Variants in RAPGEF2 observed in about 807,000 individuals in gnomAD.
The protein encoded by RAPGEF2 is Rap guanine nucleotide exchange factor 2.
RAPGEF2 carries 54 observed loss-of-function variants against 186.7 expected under a neutral mutation model. That is an observed-to-expected ratio of 0.29 (90% CI 0.23 to 0.36). RAPGEF2 has a LOEUF of 0.36. RAPGEF2 is among the 10% of genes least tolerant of loss of function. RAPGEF2 has a pLI of 1.00. For synonymous variants in RAPGEF2, 712 were observed against 705.9 expected, an observed-to-expected ratio of 1.01 and a Z score of -0.14; for missense variants, 1,532 against 2,045.0, an observed-to-expected ratio of 0.75 and a Z score of 4.84.
intron 20 of RAPGEF2, 44 bp from the exon 21 acceptor site, chr4:159,342,935 A>G (rs746266996): frequency 2.0e-6 from 3 of 1,522,248 alleles, no homozygotes; most frequent in East Asian, 4.5e-5. Flanking sequence ...TCTGTACACT[A>G]TTTTACTTTA....
intron 26 of RAPGEF2, among the ~76,000 whole-genome samples, chr4:159,350,512 TAAG>T (rs1277546666): frequency 6.6e-6 from 1 of 152,164 alleles, no homozygotes; most frequent in Non-Finnish European, 1.5e-5. Flanking sequence ...TTTATAACTA[TAAG>T]AAGCCTTTTA....
chr4:159,262,577 C>G (rs1376786116), intron 7 of RAPGEF2, among the ~76,000 whole-genome samples: 1 of 152,188 alleles, frequency 6.6e-6, no homozygotes, highest in Non-Finnish European at 1.5e-5. Flanking sequence ...CTGCTAAAGT[C>G]TGCCCGTTTT....
At chr4:159,190,903 T>C (rs910333113) in intron 2 of RAPGEF2, among the ~76,000 whole-genome samples, 30 of 152,174 alleles carry the variant, frequency 2.0e-4, no homozygotes, top group African/African-American at 7.0e-4. Context: ...CATATCAGGG[T>C]ACTAATTCTG....
intron 4 of RAPGEF2, among the ~76,000 whole-genome samples, chr4:159,228,100 C>T (rs1430335715): frequency 6.6e-6 from 1 of 152,158 alleles, no homozygotes; most frequent in Admixed American, 6.6e-5. Flanking sequence ...GGTCATGAGG[C>T]TGGTATGCGA....
At chr4:159,335,102 G>A (rs1263836368) in intron 17 of RAPGEF2, among the ~76,000 whole-genome samples, 1 of 152,070 alleles carries the variant, frequency 6.6e-6, no homozygotes, top group Admixed American at 6.5e-5. Context: ...GAGAAGTCTA[G>A]ATAGAGTATA....
chr4:159,112,473 T>C (rs1738603317), intron 1 of RAPGEF2, among the ~76,000 whole-genome samples: 2 of 152,170 alleles, frequency 1.3e-5, no homozygotes, highest in Admixed American at 1.3e-4. Context: ...GGAAGTCTAA[T>C]GACTGTATAT....
intron 4 of RAPGEF2, chr4:159,229,534 A>G (rs1752397836): frequency 6.6e-6 from 1 of 152,212 alleles, no homozygotes; most frequent in Non-Finnish European, 1.5e-5. Flanking sequence ...AAACTAGGTA[A>G]GACTTCACAT....
At chr4:159,142,654 A>G (rs1052004577) in intron 1 of RAPGEF2, among the ~76,000 whole-genome samples, 1 of 152,320 alleles carries the variant, frequency 6.6e-6, no homozygotes, top group South Asian at 2.1e-4. Flanking sequence ...ATGTTTTAAC[A>G]TATAATTCTA....
chr4:159,105,027 TTATAC>T (rs1220267846), intron 1 of RAPGEF2, among the ~76,000 whole-genome samples: 9 of 152,182 alleles, frequency 5.9e-5, no homozygotes, highest in Non-Finnish European at 1.3e-4. Context: ...TTGTTAACCT[TTATAC>T]ATTTGTTTAC....
chr4:159,344,157 C>G, intron 23 of RAPGEF2, 98 bp downstream of exon 23: 1 of 1,342,460 alleles, frequency 7.4e-7, no homozygotes. Flanking sequence ...TGCATTTTTG[C>G]ATTTTTTTCC....
chr4:159,249,527 G>A (rs1755051492), intron 7 of RAPGEF2, among the ~76,000 whole-genome samples: 1 of 151,400 alleles, frequency 6.6e-6, no homozygotes, highest in Admixed American at 6.6e-5. Flanking sequence ...GCATTTTATG[G>A]AATATATAGA....
chr4:159,137,700 A>G (rs1741866285), intron 1 of RAPGEF2, among the ~76,000 whole-genome samples: 1 of 128,778 alleles, frequency 7.8e-6, no homozygotes, highest in African/African-American at 2.9e-5. Flanking sequence ...AGTTTGTGAA[A>G]AATAAATGCA....
At chr4:159,237,945 G>C (rs190365925) in intron 4 of RAPGEF2, among the ~76,000 whole-genome samples, 55 of 150,728 alleles carry the variant, frequency 3.6e-4, no homozygotes, top group Non-Finnish European at 7.5e-4. Context: ...TTGAGTTCAG[G>C]AGTTCAAGGC....
intron 1 of RAPGEF2, among the ~76,000 whole-genome samples, chr4:159,183,600 AG>A (rs1747246259): frequency 1.3e-5 from 2 of 152,236 alleles, no homozygotes; most frequent in African/African-American, 4.8e-5. Flanking sequence ...GACACCATCA[AG>A]GAAGTAAAAA....
intron 3 of RAPGEF2, among the ~76,000 whole-genome samples, chr4:159,196,645 A>C (rs1411668076): frequency 6.6e-6 from 1 of 152,218 alleles, no homozygotes; most frequent in Non-Finnish European, 1.5e-5. Flanking sequence ...ACCTGTACAG[A>C]GTGTTTAGAG....
intron 1 of RAPGEF2, among the ~76,000 whole-genome samples, chr4:159,131,526 T>TGG (rs1250864690): frequency 2.0e-5 from 3 of 148,342 alleles, no homozygotes; most frequent in African/African-American, 7.5e-5. Context: ...GCTATTTTTT[T>TGG]TTTTTTTTTT....
rs548681113 is a variant in RAPGEF2 at position 159,314,298 on chromosome 4, A to G, written c.676-293A>G. ...CTCTTTGAAGAATGGAGTGAAAACA[A>G]ATACTTTTTCTTCTTTATTCTACTA... On this transcript the variant is annotated intron_variant, in intron 8 of 29. Coordinates refer to ENST00000691494, the MANE Select transcript of RAPGEF2 (RefSeq NM_001394067.2). 2.0e-4 allele frequency among the ~76,000 whole-genome samples: 31 copies of G among 152,310 alleles called. 1 individual carries two copies. In the South Asian group the frequency reaches 6.4e-3, roughly 32 times the overall value.
intron 1 of RAPGEF2, among the ~76,000 whole-genome samples, chr4:159,159,687 A>G (rs1333606251): frequency 6.6e-6 from 1 of 152,238 alleles, no homozygotes; most frequent in Non-Finnish European, 1.5e-5. Flanking sequence ...ATTAAATTTT[A>G]GTGACTTTTT....
At chr4:159,109,452 C>T (rs1346380453) in intron 1 of RAPGEF2, among the ~76,000 whole-genome samples, 1 of 152,168 alleles carries the variant, frequency 6.6e-6, no homozygotes, top group African/African-American at 2.4e-5. Flanking sequence ...GTAACAATTT[C>T]CTCGTCGGTA....
Sources: allele counts gnomAD v4.1 joint callset (sites outside exome capture counted in the v4.1 genomes callset), GRCh38; gene constraint gnomAD v4.1.1; transcripts MANE v1.5; gene names NCBI Gene and HGNC (gene_info 2026-07-23, HGNC 2026-07-21).